The following MYH11 variants were observed in gnomAD, a reference collection of about 807,000 sequenced individuals.
MYH11 encodes myosin heavy chain 11.
A neutral mutation model predicts 246.6 loss-of-function variants in MYH11; 80 were observed. That is an observed-to-expected ratio of 0.32 (90% CI 0.27 to 0.39). MYH11 has a LOEUF of 0.39. MYH11 is among the 10% of genes least tolerant of loss of function. The pLI, the probability that MYH11 is intolerant of heterozygous loss-of-function variation, is 1.00. For synonymous variants in MYH11, 1,071 were observed against 1,015.5 expected, an observed-to-expected ratio of 1.05 and a Z score of -1.04; for missense variants, 2,158 against 2,546.8, an observed-to-expected ratio of 0.85 and a Z score of 3.29.
rs533874732 is a variant in MYH11 at position 15,715,336 on chromosome 16, C to T, written c.5505-64G>A. On this transcript the variant is annotated intron_variant, in intron 38 of 40. Coordinates refer to ENST00000300036, the MANE Select transcript of MYH11 (RefSeq NM_002474.3). Reference sequence around the variant, plus strand: ...GTGGCACCCCTTGTAGCTGGTGTGTCACCTGGAGGTGGCATCTTGAGTGCT... The same window carrying T: ...GTGGCACCCCTTGTAGCTGGTGTGTTACCTGGAGGTGGCATCTTGAGTGCT... 64 of 1,529,548 alleles carry T rather than the reference C, an allele frequency of 4.2e-5. 1 individual carries two copies. In the South Asian group the frequency reaches 6.5e-4, roughly 16 times the overall value. The allele number at this position is 1,529,548 out of a possible 1,614,324, so 94.7% of individuals were successfully genotyped here.
intron 9 of MYH11, among the ~76,000 whole-genome samples, chr16:15,768,491 G>A (rs926761346): frequency 3.3e-5 from 5 of 152,284 alleles, no homozygotes; most frequent in Admixed American, 6.5e-5. Flanking sequence ...GGGTTTGGAA[G>A]TAGCTCTTGG....
rs896555215 is a variant in MYH11 at position 15,802,132 on chromosome 16, G to A, written c.503-3445C>T. ...AAAAATGGTCAATAGAAAAAGAGTCGGTATTGTTCTTTATGAAACCATCAT... is the reference window on the plus strand; with the variant it reads ...AAAAATGGTCAATAGAAAAAGAGTCAGTATTGTTCTTTATGAAACCATCAT... On this transcript the variant is annotated intron_variant, in intron 3 of 40. Coordinates refer to ENST00000300036, the MANE Select transcript of MYH11 (RefSeq NM_002474.3). 5.3e-5 allele frequency among the ~76,000 whole-genome samples: 8 copies of A among 152,134 alleles called. No individual in the cohort carries two copies. In the South Asian group the frequency reaches 8.3e-4, roughly 16 times the overall value.
intron 20 of MYH11, among the ~76,000 whole-genome samples, chr16:15,744,748 C>T (rs1464740565): frequency 6.6e-6 from 1 of 152,226 alleles, no homozygotes; most frequent in Non-Finnish European, 1.5e-5. Context: ...AGTGATCCGC[C>T]TGCCTCGGCC....
intron 40 of MYH11, chr16:15,714,693 T>C (rs913969928): frequency 1.6e-6 from 1 of 636,048 alleles, no homozygotes; most frequent in South Asian, 1.9e-5. Flanking sequence ...TTAAAGGATC[T>C]AGAAGGTTAG....
chr16:15,810,135 G>A (rs2043105303), intron 3 of MYH11, among the ~76,000 whole-genome samples: 1 of 151,826 alleles, frequency 6.6e-6, no homozygotes, highest in Admixed American at 6.6e-5. Flanking sequence ...CCAGGTTCAA[G>A]CGATTCTCCT....
chr16:15,707,098 G>A (rs550915949), intron 40 of MYH11, among the ~76,000 whole-genome samples: 93 of 152,190 alleles, frequency 6.1e-4, no homozygotes, highest in Admixed American at 2.0e-3. Flanking sequence ...GAGTGCAGTG[G>A]CGTGATCTTG....
chr16:15,704,256 C>CA (rs1433808219), intron 40 of MYH11, 133 bp from the exon 41 acceptor site: 1 of 968,964 alleles, frequency 1.0e-6, no homozygotes, highest in Non-Finnish European at 1.6e-6. Flanking sequence ...AGAAAACACA[C>CA]ACGGCACAAA....
rs776574034 is a variant in MYH11, at chr16:15,724,765, T to A, written c.3998A>T (p.Asn1333Ile). 1.2e-6 allele frequency: 2 copies of A among 1,614,136 alleles called. No homozygotes were observed. Among genetic ancestry groups the A allele is most frequent in the East Asian group, 4.5e-5 (2 of 44,882 alleles). Residue 1333 changes from asparagine (N) to isoleucine (I), a missense_variant, in exon 30 of 41, where the codon AAC becomes ATC. Physicochemically the swap from Asn to Ile is moderately radical, Grantham distance 149. Around this residue, in one of 11 missense-constraint regions of MYH11, gnomAD observed 1,013 missense variants for 993.5 expected, o/e 1.02. Transcript: ENST00000300036. ...LLQEETRQKLNVSTKLRQLEE... is the reference protein window; with the variant it reads ...LLQEETRQKLIVSTKLRQLEE... ...CAGCTGGCGCAGCTTCGTAGACACG[T>A]TGAGCTTCTGCCGGGTTTCTTCTTG...
chr16:15,850,702 C>T (rs1159651693), intron 1 of MYH11, among the ~76,000 whole-genome samples: 1 of 152,076 alleles, frequency 6.6e-6, no homozygotes, highest in Admixed American at 6.6e-5. Context: ...TGACACCAGC[C>T]TGCGCAACAT....
intron 3 of MYH11, among the ~76,000 whole-genome samples, chr16:15,815,512 A>G (rs62030628): frequency 0.13 from 19,372 of 152,150 alleles, 1,297 homozygotes; most frequent in East Asian, 0.15. Context: ...AAAATGACAA[A>G]AGAAAGAGAT....
intron 6 of MYH11, chr16:15,779,294 A>G (rs1183587047): frequency 7.8e-6 from 2 of 256,298 alleles, no homozygotes; most frequent in African/African-American, 2.4e-5. Flanking sequence ...ATGCACCACC[A>G]TATCTGGCTA....
In MYH11 at chr16:15,742,919, G is replaced by A. The variant is rs954892059; in HGVS notation, c.2521-1028C>T. On this transcript the variant is annotated intron_variant, in intron 20 of 40. Coordinates refer to ENST00000300036, the MANE Select transcript of MYH11 (RefSeq NM_002474.3). ...CAGCCTTGAACTCCTGGCCTCAAGCGATCCTCCCACCCCAGCTCCAGAGTA... is the reference window on the plus strand; with the variant it reads ...CAGCCTTGAACTCCTGGCCTCAAGCAATCCTCCCACCCCAGCTCCAGAGTA... 5.3e-5 allele frequency among the ~76,000 whole-genome samples: 8 copies of A among 150,496 alleles called. No homozygotes were observed. The East Asian group carries it at 6.0e-4, about 11-fold the overall frequency.
At chr16:15,846,586 C>T (rs891946869) in intron 1 of MYH11, among the ~76,000 whole-genome samples, 3 of 152,090 alleles carry the variant, frequency 2.0e-5, no homozygotes, top group Non-Finnish European at 2.9e-5. Context: ...ACATGGCTCA[C>T]GCCTGTAATC....
rs2041530068 is a variant in MYH11 at position 15,750,231 on chromosome 16, C to A, written c.1965G>T (p.Gln655His). Residue 655 changes from glutamine to histidine, a missense_variant, in exon 16 of 41, where the codon CAG becomes CAT. Transcript: ENST00000300036. This position sits in a 1 kb window ranked among gnomAD's most constrained non-coding sequence, Gnocchi z 4.3. ...GCTTGCCCAGCTGCTCCTTGTACAG[C>A]TGCCCCACTGTGCGGAACATGCCCT... The part of the protein sequence containing the change: ...TKKGMFRTVG[Q>H]LYKEQLGKLM... The A allele has an allele frequency of 2.5e-6, 4 of 1,614,216 alleles. No homozygotes were observed. The highest frequency in any genetic ancestry group is 3.4e-6 in the Non-Finnish European group (4 of 1,180,030).
rs1331223159 is a variant in MYH11 at position 15,782,453 on chromosome 16, G to T, written c.658C>A (p.Gln220Lys). The T allele has an allele frequency of 3.1e-6, 5 of 1,614,194 alleles. No homozygotes were observed. The highest frequency in any genetic ancestry group is 4.2e-6 in the Non-Finnish European group (5 of 1,180,020). The change falls in exon 6 of 41, where the codon CAA (glutamine) becomes AAA (lysine). Residue 220 changes from glutamine (Q) to lysine (K), a missense_variant. Gln to Lys is a moderately conservative substitution (Grantham distance 53, BLOSUM62 1). Transcript: ENST00000300036. ...AAAGCCTCCAGAATCGGGTTTGCTT[G>T]TAGAAGCTGCTTTTCCAGCTCTCCC... is the stretch of plus-strand genomic sequence containing the variant. Reference protein sequence around the residue: ...ITGELEKQLLQANPILEAFGN... With the variant: ...ITGELEKQLLKANPILEAFGN...
chr16:15,806,475 G>T (rs541201459), intron 3 of MYH11, among the ~76,000 whole-genome samples: 2 of 152,074 alleles, frequency 1.3e-5, no homozygotes, highest in African/African-American at 2.4e-5. Flanking sequence ...TTTCTTTGGG[G>T]GATGATAGAA....
chr16:15,844,484 C>T (rs191108754), intron 1 of MYH11, among the ~76,000 whole-genome samples: 2 of 152,280 alleles, frequency 1.3e-5, no homozygotes, highest in Admixed American at 1.3e-4. Context: ...AGGTGTGAGC[C>T]ACCACGCTCG....
In MYH11 at chr16:15,717,224, G is replaced by GC. The variant is rs1449896787; in HGVS notation, c.5419dup (p.Ala1807GlyfsTer103). The GC allele has an allele frequency of 1.9e-6, 3 of 1,614,160 alleles. No homozygotes were observed. Among genetic ancestry groups the GC allele is most frequent in the South Asian group, 1.1e-5 (1 of 91,084 alleles). ...GGTGGACTTGAACTTGGACTTGACG[G>GC]CCCCCTCCATCTCGTGGAGCTTGCT... On this transcript the variant is annotated frameshift_variant, in exon 38 of 41. Coordinates refer to ENST00000300036, the MANE Select transcript of MYH11 (RefSeq NM_002474.3). LOFTEE classifies it high-confidence loss of function.
chr16:15,822,953 G>A, intron 3 of MYH11, among the ~76,000 whole-genome samples: 1 of 152,214 alleles, frequency 6.6e-6, no homozygotes, highest in East Asian at 1.9e-4. Context: ...TCAGCCCCAG[G>A]GCTGTTCCCC....
Sources: gnomAD v4.1 joint callset for allele counts (sites outside exome capture counted in the v4.1 genomes callset) on GRCh38, gnomAD v4.1.1 for gene constraint, gnomAD v4.1.1 regional missense constraint, Gnocchi (gnomAD v3.1) non-coding constraint, MANE v1.5 for transcripts, NCBI Gene and HGNC (gene_info 2026-07-23, HGNC 2026-07-21) for gene names.